The following TRPM3 variants were observed in gnomAD, a reference collection of about 807,000 sequenced individuals.
The protein encoded by TRPM3 is transient receptor potential cation channel subfamily M member 3.
In TRPM3, 77 loss-of-function variants were observed where a neutral mutation model predicts 181.2. The observed-to-expected ratio is 0.42, with a 90% CI of 0.35 to 0.51. The LOEUF is 0.51. Among genes scored for constraint, TRPM3 ranks in the 20% least tolerant of loss-of-function variants. The probability of loss-of-function intolerance (pLI) is 0.01; values close to 1 mark genes in which losing one functional copy is unlikely to be tolerated. For synonymous variants in TRPM3, 745 were observed against 796.4 expected, an observed-to-expected ratio of 0.94 and a Z score of 1.09; for missense variants, 1,759 against 2,196.7, an observed-to-expected ratio of 0.80 and a Z score of 3.98.
chr9:71,277,361 A>G lies in TRPM3; in HGVS notation c.183+169292T>C, dbSNP rs546587562. Among the ~76,000 whole-genome samples, 6 of 152,270 alleles carry G rather than the reference A, an allele frequency of 3.9e-5. No homozygotes were observed. In the South Asian group the frequency reaches 1.2e-3, roughly 32 times the overall value. ...TTCTGCATTTCATCATTATTCTTAC[A>G]CTGCATTTATTTTGTTTACTGTGTT... On this transcript the variant is annotated intron_variant, in intron 1 of 24. Coordinates refer to the TRPM3 transcript ENST00000357533.
chr9:70,853,915 C>T (rs1370650046), intron 3 of TRPM3, among the ~76,000 whole-genome samples: 2 of 152,090 alleles, frequency 1.3e-5, no homozygotes, highest in Non-Finnish European at 2.9e-5. Flanking sequence ...TAATTAAAAC[C>T]GAGGGATAAA....
chr9:71,136,515 T>C (rs947372608), intron 1 of TRPM3, among the ~76,000 whole-genome samples: 5 of 152,224 alleles, frequency 3.3e-5, no homozygotes, highest in Non-Finnish European at 5.9e-5. Flanking sequence ...TCCATCCTAC[T>C]TCTTCGCAAT....
At chr9:71,229,436 G>A (rs2080904298) in intron 1 of TRPM3, among the ~76,000 whole-genome samples, 1 of 151,996 alleles carries the variant, frequency 6.6e-6, no homozygotes, top group Non-Finnish European at 1.5e-5. Flanking sequence ...TACCCCACAA[G>A]CACAGGGAAC....
At chr9:70,873,396 T>C (rs1366336649) in intron 1 of TRPM3, among the ~76,000 whole-genome samples, 2 of 151,974 alleles carry the variant, frequency 1.3e-5, no homozygotes, top group Non-Finnish European at 2.9e-5. Flanking sequence ...TCTCCATCCC[T>C]AGTATGGTCA....
chr9:71,079,275 C>A (rs568520606), intron 1 of TRPM3, among the ~76,000 whole-genome samples: 31 of 152,162 alleles, frequency 2.0e-4, no homozygotes, highest in African/African-American at 7.0e-4. Flanking sequence ...AACAAAGTAC[C>A]TCAGTTTGAT....
intron 1 of TRPM3, chr9:70,868,872 G>A (rs913803120): frequency 1.4e-5 from 6 of 436,296 alleles, no homozygotes; most frequent in Non-Finnish European, 1.8e-5. Context: ...TCATAAGTTC[G>A]TTTTGCCCTT....
intron 1 of TRPM3, among the ~76,000 whole-genome samples, chr9:70,920,312 T>C (rs968339836): frequency 2.6e-5 from 4 of 152,204 alleles, no homozygotes; most frequent in African/African-American, 7.2e-5. Flanking sequence ...CCTTGCTTCA[T>C]AAAATTTTGT....
chr9:70,819,404 A>G (rs2092975775), intron 6 of TRPM3, among the ~76,000 whole-genome samples: 1 of 152,244 alleles, frequency 6.6e-6, no homozygotes, highest in Non-Finnish European at 1.5e-5. Flanking sequence ...AAATTTGATT[A>G]TATTTTATGA....
At chr9:70,810,539 T>C (rs1423873580) in intron 6 of TRPM3, among the ~76,000 whole-genome samples, 1 of 152,076 alleles carries the variant, frequency 6.6e-6, no homozygotes, top group African/African-American at 2.4e-5. Context: ...ACCATCTTCT[T>C]CCCAAAGTTT....
At chr9:71,214,769 T>C (rs1478602642) in intron 1 of TRPM3, among the ~76,000 whole-genome samples, 1 of 152,156 alleles carries the variant, frequency 6.6e-6, no homozygotes, top group Non-Finnish European at 1.5e-5. Flanking sequence ...GAATATTCCA[T>C]GTATTCTTAT....
intron 1 of TRPM3, among the ~76,000 whole-genome samples, chr9:71,076,715 C>T (rs2063507430): frequency 1.3e-5 from 2 of 152,138 alleles, no homozygotes; most frequent in African/African-American, 4.8e-5. Context: ...ATATAGGGTT[C>T]TCAATATCAC....
intron 19 of TRPM3, among the ~76,000 whole-genome samples, chr9:70,604,112 C>T (rs2060563567): frequency 6.6e-6 from 1 of 152,210 alleles, no homozygotes; most frequent in South Asian, 2.1e-4. Flanking sequence ...ACACAGTTTA[C>T]AGAAAGGAAA....
chr9:71,062,679 T>C (rs2061463223), intron 1 of TRPM3, among the ~76,000 whole-genome samples: 1 of 152,090 alleles, frequency 6.6e-6, no homozygotes, highest in Admixed American at 6.6e-5. Flanking sequence ...AAGAGGGACC[T>C]TTAAGAGGTT....
chr9:71,343,563 G>T (rs935455805), intron 1 of TRPM3, among the ~76,000 whole-genome samples: 1 of 152,118 alleles, frequency 6.6e-6, no homozygotes, highest in Non-Finnish European at 1.5e-5. Context: ...AAGCACAGAA[G>T]AATCCTGTGA....
chr9:71,016,815 C>T (rs1226509837), intron 1 of TRPM3, among the ~76,000 whole-genome samples: 1 of 152,072 alleles, frequency 6.6e-6, no homozygotes. Flanking sequence ...TTGAGGAACA[C>T]GTTCTGTTTT....
chr9:71,374,453 A>T (rs1565510719), intron 1 of TRPM3, among the ~76,000 whole-genome samples: 1 of 152,204 alleles, frequency 6.6e-6, no homozygotes, highest in Non-Finnish European at 1.5e-5. Context: ...ACCTCAAAGT[A>T]AGAAGAAGCA....
chr9:70,802,562 C>T (rs780624858), intron 6 of TRPM3, among the ~76,000 whole-genome samples: 1 of 152,160 alleles, frequency 6.6e-6, no homozygotes, highest in Non-Finnish European at 1.5e-5. Context: ...CTGAGTGTGC[C>T]TGTGATCAAT....
At chr9:70,541,580 C>T (rs1346608272) in intron 25 of TRPM3, among the ~76,000 whole-genome samples, 2 of 149,522 alleles carry the variant, frequency 1.3e-5, no homozygotes, top group South Asian at 2.1e-4. Context: ...GGTGCGATCT[C>T]GGTTCACCCC....
intron 1 of TRPM3, among the ~76,000 whole-genome samples, chr9:71,181,200 G>A (rs1281128317): frequency 2.0e-5 from 3 of 152,068 alleles, no homozygotes; most frequent in African/African-American, 7.2e-5. Context: ...CATTTGAACT[G>A]TCTGTCCATG....
Sources: allele counts gnomAD v4.1 joint callset (sites outside exome capture counted in the v4.1 genomes callset), GRCh38; gene constraint gnomAD v4.1.1; transcripts MANE v1.5; gene names NCBI Gene and HGNC (gene_info 2026-07-23, HGNC 2026-07-21).